The following FIRRM variants were observed in gnomAD, a reference collection of about 807,000 sequenced individuals.
FIRRM encodes the protein FIGNL1 interacting regulator of recombination and mitosis.
the FIRRM span, among the ~76,000 whole-genome samples, chr1:169,814,355 G>A: frequency 3.3e-5 from 5 of 152,154 alleles, no homozygotes; most frequent in African/African-American, 1.2e-4. Flanking sequence ...GGTACATATT[G>A]TAGTACTATT....
At chr1:169,807,603 T>A in the FIRRM span, among the ~76,000 whole-genome samples, 46 of 152,300 alleles carry the variant, frequency 3.0e-4, no homozygotes, top group African/African-American at 1.1e-3. Context: ...AGAGAAAAAA[T>A]TAGCAACTTA....
the FIRRM span, chr1:169,804,287 T>C: frequency 8.0e-7 from 1 of 1,245,684 alleles, no homozygotes; most frequent in Non-Finnish European, 1.0e-6. Flanking sequence ...CTATAAATCA[T>C]GTATCAATTA....
the FIRRM span, chr1:169,823,431 T>C: frequency 6.2e-7 from 1 of 1,604,446 alleles, no homozygotes; most frequent in Non-Finnish European, 8.5e-7. Context: ...TCCTCTCTGA[T>C]TCTTGCTGTA....
At chr1:169,842,582 A>G in the FIRRM span, 2 of 1,596,878 alleles carry the variant, frequency 1.3e-6, no homozygotes, top group African/African-American at 1.4e-5. Flanking sequence ...AAAATAGAAA[A>G]TATCAAAAAA....
the FIRRM span, among the ~76,000 whole-genome samples, chr1:169,810,224 A>G: frequency 6.6e-6 from 1 of 152,208 alleles, no homozygotes; most frequent in South Asian, 2.1e-4. Context: ...GAGGACACCA[A>G]TCTTCAAGCC....
At chr1:169,792,769 G>T in the FIRRM span, 63 of 1,613,250 alleles carry the variant, frequency 3.9e-5, no homozygotes, top group Non-Finnish European at 5.3e-5. Flanking sequence ...ACAGTCTAAG[G>T]AAAGTCTGGT....
the FIRRM span, among the ~76,000 whole-genome samples, chr1:169,810,071 T>G: frequency 6.6e-6 from 1 of 152,162 alleles, no homozygotes; most frequent in Non-Finnish European, 1.5e-5. Flanking sequence ...GCATCCTCAC[T>G]TAGTGCAAGG....
chr1:169,795,874 A>G, the FIRRM span: 2 of 985,024 alleles, frequency 2.0e-6, no homozygotes, highest in Non-Finnish European at 2.4e-6. Context: ...GTTGGCTTTC[A>G]ACTGTTGGAT....
the FIRRM span, among the ~76,000 whole-genome samples, chr1:169,836,612 A>G: frequency 1.3e-5 from 2 of 152,242 alleles, no homozygotes; most frequent in Non-Finnish European, 2.9e-5. Context: ...ATATAGGAAA[A>G]TAAGACTTAT....
chr1:169,828,409 A>G, the FIRRM span, among the ~76,000 whole-genome samples: 103 of 152,212 alleles, frequency 6.8e-4, no homozygotes, highest in African/African-American at 2.3e-3. Context: ...CCTGTCCCAT[A>G]CTATTGTCAT....
chr1:169,826,865 G>A, the FIRRM span, among the ~76,000 whole-genome samples: 2 of 151,704 alleles, frequency 1.3e-5, no homozygotes, highest in African/African-American at 4.8e-5. Context: ...GTTTAGTTTA[G>A]AGATCTTGAT....
the FIRRM span, among the ~76,000 whole-genome samples, chr1:169,811,387 A>C: frequency 5.9e-5 from 9 of 152,304 alleles, no homozygotes; most frequent in South Asian, 1.9e-3. Context: ...TAAAGAAAGA[A>C]TGTGCCTGTA....
At chr1:169,852,826 G>A in the FIRRM span, 9 of 1,614,096 alleles carry the variant, frequency 5.6e-6, no homozygotes, top group South Asian at 9.9e-5. Flanking sequence ...GTTCCCCTGG[G>A]AAGAAGAGTA....
At chr1:169,845,874 A>G in the FIRRM span, among the ~76,000 whole-genome samples, 1 of 152,200 alleles carries the variant, frequency 6.6e-6, no homozygotes, top group African/African-American at 2.4e-5. Context: ...CCTCCTCCAA[A>G]TGAATCATGA....
chr1:169,827,611 C>A, the FIRRM span: 2 of 1,324,212 alleles, frequency 1.5e-6, no homozygotes, highest in Non-Finnish European at 2.1e-6. Flanking sequence ...GCACTCCAGG[C>A]TGGGTGACAG....
chr1:169,821,683 A>T, the FIRRM span: 1 of 1,607,166 alleles, frequency 6.2e-7, no homozygotes, highest in Non-Finnish European at 8.5e-7. Context: ...GATCAGGATA[A>T]TGCTGACTAC....
the FIRRM span, chr1:169,802,635 C>T: frequency 8.1e-6 from 13 of 1,606,184 alleles, no homozygotes; most frequent in South Asian, 1.1e-5. Context: ...TGAAATTATT[C>T]GATGACATGA....
the FIRRM span, chr1:169,852,982 G>C: frequency 1.9e-6 from 3 of 1,613,592 alleles, no homozygotes; most frequent in South Asian, 2.2e-5. Flanking sequence ...ACATACTCTA[G>C]GGTGAAACTT....
At chr1:169,824,724 G>C in the FIRRM span, among the ~76,000 whole-genome samples, 5 of 152,110 alleles carry the variant, frequency 3.3e-5, no homozygotes, top group African/African-American at 7.2e-5. Context: ...TTGGTTTCTA[G>C]GGCATGTCTC....
Sources: allele counts gnomAD v4.1 joint callset (sites outside exome capture counted in the v4.1 genomes callset), GRCh38; gene constraint gnomAD v4.1.1; transcripts MANE v1.5; gene names NCBI Gene and HGNC (gene_info 2026-07-23, HGNC 2026-07-21).